Variants in DMD observed in about 807,000 individuals in gnomAD.
The protein encoded by DMD is dystrophin, also known as mutant dystrophin.
A neutral mutation model predicts 330.1 loss-of-function variants in DMD; 63 were observed. That is an observed-to-expected ratio of 0.19 (90% CI 0.16 to 0.24). The LOEUF (loss-of-function observed/expected upper bound fraction) is 0.24, where lower values mean the gene tolerates loss of function less well. Ranked by LOEUF, DMD falls within the 10% of genes least tolerant of loss-of-function variation. The pLI is 1.00. For missense variants in DMD, 3,344 were observed against 2,684.1 expected, an observed-to-expected ratio of 1.25 and a Z score of -5.43; for synonymous variants, 1,223 against 959.8, an observed-to-expected ratio of 1.27 and a Z score of -5.07.
chrX:32,641,994 A>T (rs765272884), intron 11 of DMD, among the ~76,000 whole-genome samples: 1 of 111,390 alleles, frequency 9.0e-6, no homozygotes, highest in Non-Finnish European at 1.9e-5. Flanking sequence ...GCATTAAGTA[A>T]AACCTAGATT....
intron 45 of DMD, among the ~76,000 whole-genome samples, chrX:31,959,004 G>A (rs192635846): frequency 9.0e-6 from 1 of 111,220 alleles, no homozygotes; most frequent in East Asian, 2.9e-4. Flanking sequence ...AAAAAACCTG[G>A]AAAAGGGATC....
intron 20 of DMD, among the ~76,000 whole-genome samples, 171 bp downstream of exon 20, chrX:32,491,106 T>C (rs1353489563): frequency 8.9e-6 from 1 of 112,678 alleles, no homozygotes; most frequent in African/African-American, 3.2e-5. Flanking sequence ...GGTATCTACG[T>C]CTTACATATT....
chrX:31,648,484 A>G (rs1352717317), intron 54 of DMD, among the ~76,000 whole-genome samples: 1 of 107,607 alleles, frequency 9.3e-6, no homozygotes, highest in Non-Finnish European at 1.9e-5. Flanking sequence ...AGGTAGCAGT[A>G]GCCAGGAGTT....
rs1451400654 is a variant in DMD at position 32,386,495 on chromosome X, A to C, written c.4519-30T>G. On this transcript the variant is annotated intron_variant, in intron 32 of 78. Transcript: ENST00000357033. ...GTTTAAACATAAAACAAAACATGAT[A>C]ATCAGTAGAGTTAAATTATTTCATA... The C allele has an allele frequency of 5.4e-6, 6 of 1,107,796 alleles. No homozygotes were observed. The African/African-American group carries it at 5.4e-5, about 10-fold the overall frequency. 91.3% of individuals were successfully genotyped at this position (1,107,796 alleles called of 1,213,427 possible).
chrX:32,464,463 A>G, intron 24 of DMD, 123 bp downstream of exon 24: 2 of 539,228 alleles, frequency 3.7e-6, no homozygotes, highest in East Asian at 3.7e-5. Context: ...AACGTCTAGA[A>G]ACATTAAAAA....
chrX:32,437,754 G>T (rs1198663244), intron 29 of DMD, among the ~76,000 whole-genome samples: 2 of 112,438 alleles, frequency 1.8e-5, no homozygotes, highest in Non-Finnish European at 3.8e-5. Context: ...TTGCTATTTT[G>T]TTTTAGTTTT....
At chrX:31,557,936 C>T (rs1250538116) in intron 55 of DMD, among the ~76,000 whole-genome samples, 1 of 111,228 alleles carries the variant, frequency 9.0e-6, no homozygotes, top group East Asian at 2.8e-4. Context: ...TCTAGCTGGC[C>T]TTAGGTGACT....
At chrX:32,236,090 C>A (rs980766422) in intron 43 of DMD, among the ~76,000 whole-genome samples, 2 of 111,454 alleles carry the variant, frequency 1.8e-5, no homozygotes, top group Non-Finnish European at 3.8e-5. Context: ...ATAGGATTTC[C>A]TCCTCAGCAA....
intron 7 of DMD, among the ~76,000 whole-genome samples, chrX:32,747,600 G>A (rs891686926): frequency 8.9e-6 from 1 of 112,014 alleles, no homozygotes; most frequent in African/African-American, 3.2e-5. Context: ...TGATCCTCCC[G>A]CCTCAGCGTC....
chrX:32,963,436 C>T (rs1386205316), intron 2 of DMD, among the ~76,000 whole-genome samples: 105 of 111,913 alleles, frequency 9.4e-4, no homozygotes, highest in Non-Finnish European at 1.7e-3. Context: ...TGCTAGGCAT[C>T]CAAATTTGCA....
intron 52 of DMD, among the ~76,000 whole-genome samples, chrX:31,684,724 C>T (rs1028585312): frequency 1.9e-4 from 21 of 112,053 alleles, no homozygotes; most frequent in Non-Finnish European, 3.8e-4. Context: ...AGGAATTAAA[C>T]GGAACAAATA....
intron 59 of DMD, among the ~76,000 whole-genome samples, chrX:31,455,040 G>A (rs1464336279): frequency 2.0e-5 from 2 of 100,919 alleles, no homozygotes; most frequent in Non-Finnish European, 3.9e-5. Flanking sequence ...CTCCCACTTC[G>A]GCCTCCCAAA....
intron 1 of DMD, among the ~76,000 whole-genome samples, chrX:33,261,567 C>T (rs982651465): frequency 4.6e-5 from 5 of 107,903 alleles, no homozygotes; most frequent in Non-Finnish European, 7.7e-5. Context: ...AAAAATTTTG[C>T]TGACCTGCTG....
At chrX:31,551,570 G>C (rs1370071153) in intron 55 of DMD, among the ~76,000 whole-genome samples, 1 of 112,394 alleles carries the variant, frequency 8.9e-6, no homozygotes, top group African/African-American at 3.2e-5. Context: ...ATTTGATTGG[G>C]TTTGCAAAGC....
chrX:33,163,569 T>TAC (rs2048887252), intron 1 of DMD, among the ~76,000 whole-genome samples: 3 of 105,331 alleles, frequency 2.8e-5, no homozygotes, highest in African/African-American at 1.0e-4. Flanking sequence ...TATATATATA[T>TAC]ATATATGTAT....
intron 18 of DMD, among the ~76,000 whole-genome samples, chrX:32,513,084 G>A (rs1405978096): frequency 8.9e-6 from 1 of 112,040 alleles, no homozygotes; most frequent in Admixed American, 9.5e-5. Context: ...ATTAAGATAT[G>A]ATTACAAAGT....
At chrX:32,378,930 A>C (rs1268987990) in intron 34 of DMD, among the ~76,000 whole-genome samples, 2 of 110,633 alleles carry the variant, frequency 1.8e-5, no homozygotes, top group Non-Finnish European at 3.8e-5. Flanking sequence ...ATTTTATGTT[A>C]AAATATTAGA....
At chrX:31,266,782 G>A in intron 62 of DMD, 2 of 1,182,648 alleles carry the variant, frequency 1.7e-6, no homozygotes, top group Non-Finnish European at 2.3e-6. Flanking sequence ...GCGGCCATCA[G>A]ACGGGGCCGG....
intron 1 of DMD, among the ~76,000 whole-genome samples, chrX:33,053,998 TTACA>T (rs1335709807): frequency 3.6e-5 from 4 of 111,808 alleles, no homozygotes; most frequent in Admixed American, 9.5e-5. Flanking sequence ...ATTATCTGAC[TTACA>T]TTTTAGGAAA....
Sources: allele counts gnomAD v4.1 joint callset (sites outside exome capture counted in the v4.1 genomes callset), GRCh38; gene constraint gnomAD v4.1.1; transcripts MANE v1.5; gene names NCBI Gene and HGNC (gene_info 2026-07-23, HGNC 2026-07-21).